The following PCDHGA7 variants were observed in gnomAD, a reference collection of about 807,000 sequenced individuals.
PCDHGA7 encodes protocadherin gamma subfamily A, 7.
In PCDHGA7, 44 loss-of-function variants were observed where a neutral mutation model predicts 58.3. That is an observed-to-expected ratio of 0.75 (90% confidence interval 0.59 to 0.97). The LOEUF is 0.97. Among genes scored for constraint, PCDHGA7 ranks in the 50% least tolerant of loss-of-function variants. The probability of loss-of-function intolerance (pLI) is 0.00; values close to 1 mark genes in which losing one functional copy is unlikely to be tolerated. For missense variants in PCDHGA7, 1,266 were observed against 1,188.7 expected (o/e 1.06, Z -0.96); for synonymous variants, 516 against 504.2 (o/e 1.02, Z -0.31).
Position 141,432,390 on chromosome 5 carries a change from G to A in PCDHGA7, c.2424+47067G>A. The A allele has an allele frequency of 6.2e-7, 1 of 1,614,256 alleles. No homozygotes were observed. The highest frequency in any genetic ancestry group is 8.5e-7 in the Non-Finnish European group (1 of 1,180,046). On this transcript the variant is annotated intron_variant, in intron 1 of 3. Transcript: ENST00000518325. This position sits in a 1 kb window ranked among gnomAD's most constrained non-coding sequence, Gnocchi z 6.0. ...GACAACGGGCACCCGCCCCTCAGCA[G>A]CAACGTGTCGTTGAGCCTGTTCGTG... is the stretch of plus-strand genomic sequence containing the variant.
intron 1 of PCDHGA7, chr5:141,399,841 G>C: frequency 6.2e-7 from 1 of 1,613,086 alleles, no homozygotes; most frequent in Non-Finnish European, 8.5e-7. Context: ...TGCGCTCTTC[G>C]ATATGGTGCC....
chr5:141,489,364 G>A lies in PCDHGA7; in HGVS notation c.2425-5443G>A, dbSNP rs2099686163. On this transcript the variant is annotated intron_variant, in intron 1 of 3. Coordinates refer to ENST00000518325, the MANE Select transcript of PCDHGA7 (RefSeq NM_018920.4). The surrounding 1 kb of genome is among the most constrained non-coding windows in gnomAD (Gnocchi z 4.5). The stretch of plus-strand genomic sequence containing the variant: ...CTCAGTGGTGGAGGAGTCTGAGCCG[G>A]GGACGCTGGTGGGGAATGTTGCTCA... 1 of 1,613,450 alleles carries A rather than the reference G, an allele frequency of 6.2e-7. No homozygotes were observed. The highest frequency in any genetic ancestry group is 1.1e-5 in the South Asian group (1 of 91,042).
intron 1 of PCDHGA7, among the ~76,000 whole-genome samples, chr5:141,455,913 T>C (rs2098837234): frequency 7.2e-6 from 1 of 138,032 alleles, no homozygotes; most frequent in African/African-American, 2.7e-5. Context: ...ATTTATTTAT[T>C]TTGAGACGGA....
Position 141,476,085 on chromosome 5 carries a change from G to C in PCDHGA7, c.2425-18722G>C, listed in dbSNP as rs1163057402. On this transcript the variant is annotated intron_variant, in intron 1 of 3. Coordinates refer to ENST00000518325, the MANE Select transcript of PCDHGA7 (RefSeq NM_018920.4). This position sits in a 1 kb window ranked among gnomAD's most constrained non-coding sequence, Gnocchi z 7.6. ...TCAGCGAAATCTCAGGGACGATCTG[G>C]ACCCCGCTGAGAGGAACTGCTTTTG... 1.3e-6 allele frequency: 2 copies of C among 1,551,682 alleles called. No individual in the cohort carries two copies. Among genetic ancestry groups the C allele is most frequent in the East Asian group, 2.3e-5 (1 of 44,392 alleles).
At position 141,432,203 on chromosome 5, in the gene PCDHGA7, G is replaced by A. The variant is rs1282888078; in HGVS notation, c.2424+46880G>A. The A allele has an allele frequency of 3.1e-6, 5 of 1,614,062 alleles. No homozygotes were observed. The highest frequency in any genetic ancestry group is 1.3e-5 in the African/African-American group (1 of 74,920). ...TGTGACCGCCCACGACCCCGACTGT[G>A]AAGAGAACGCCCAGATCACTTATTC... On this transcript the variant is annotated intron_variant, in intron 1 of 3. Transcript: ENST00000518325. The surrounding 1 kb of genome is among the most constrained non-coding windows in gnomAD (Gnocchi z 6.0).
intron 3 of PCDHGA7, among the ~76,000 whole-genome samples, chr5:141,510,424 C>T (rs2154594619): frequency 6.6e-6 from 1 of 152,236 alleles, no homozygotes; most frequent in South Asian, 2.1e-4. Flanking sequence ...GCCATGGTTT[C>T]ATGGCTGCTG....
intron 1 of PCDHGA7, chr5:141,390,545 A>G (rs62378444): frequency 2.0e-6 from 1 of 505,936 alleles, no homozygotes; most frequent in African/African-American, 1.9e-5. Context: ...CCACAAAGTG[A>G]AAGTGTTAGA....
chr5:141,475,616 G>A (rs2099366026), intron 1 of PCDHGA7, among the ~76,000 whole-genome samples: 1 of 152,206 alleles, frequency 6.6e-6, no homozygotes, highest in Admixed American at 6.5e-5. Flanking sequence ...GTAGTTTTCG[G>A]TTTGGTTCGA....
At chr5:141,473,168 A>G (rs1026233643) in intron 1 of PCDHGA7, among the ~76,000 whole-genome samples, 2 of 152,218 alleles carry the variant, frequency 1.3e-5, no homozygotes, top group Admixed American at 1.3e-4. Context: ...AGGAAGGCCC[A>G]CTGGTAACTT....
chr5:141,506,280 C>CT (rs1455257972), intron 3 of PCDHGA7, among the ~76,000 whole-genome samples: 1 of 152,024 alleles, frequency 6.6e-6, no homozygotes, highest in Non-Finnish European at 1.5e-5. Flanking sequence ...GAAACCCTGT[C>CT]TCTACTAAAA....
intron 1 of PCDHGA7, chr5:141,404,478 CAG>C (rs749664270): frequency 1.9e-6 from 3 of 1,613,412 alleles, no homozygotes; most frequent in Non-Finnish European, 2.5e-6. Context: ...TCTATTAACT[CAG>C]ACACTGGTGT....
chr5:141,437,076 A>T (rs1018228245), intron 1 of PCDHGA7, among the ~76,000 whole-genome samples: 2 of 152,236 alleles, frequency 1.3e-5, no homozygotes, highest in African/African-American at 4.8e-5. Context: ...TTTGGGCCAT[A>T]TAAGAATTGA....
rs922405350 is a variant in PCDHGA7, at chr5:141,512,227, T to C, written c.*1054T>C. 5 of 152,764 alleles carry C rather than the reference T, an allele frequency of 3.3e-5. No homozygotes were observed. The highest frequency in any genetic ancestry group is 1.2e-4 in the African/African-American group (5 of 41,552). 9.5% of individuals were successfully genotyped at this position (152,764 alleles called of 1,614,324 possible). On this transcript the variant is annotated 3_prime_UTR_variant, in exon 4 of 4. Transcript: ENST00000518325. ...AAGCAGGTTTAGGACCAGGTCCCCTTGAGAGGTCAGAGGGGCCTCTGTGGG... is the reference window on the plus strand; with the variant it reads ...AAGCAGGTTTAGGACCAGGTCCCCTCGAGAGGTCAGAGGGGCCTCTGTGGG...
Position 141,415,491 on chromosome 5 carries a change from G to C in PCDHGA7, c.2424+30168G>C, listed in dbSNP as rs1386703838. 3.7e-6 allele frequency: 6 copies of C among 1,614,090 alleles called. No homozygotes were observed. The Admixed American group carries it at 8.3e-5, about 22-fold the overall frequency. ...CCGCGGACTCGCGAAAGAGTCACCTGATCTTCCCCCAGCCCAATTATGCGG... is the reference window on the plus strand; with the variant it reads ...CCGCGGACTCGCGAAAGAGTCACCTCATCTTCCCCCAGCCCAATTATGCGG... On this transcript the variant is annotated intron_variant, in intron 1 of 3. Coordinates refer to ENST00000518325, the MANE Select transcript of PCDHGA7 (RefSeq NM_018920.4).
At chr5:141,449,000 T>G (rs1424736421) in intron 1 of PCDHGA7, among the ~76,000 whole-genome samples, 1 of 151,774 alleles carries the variant, frequency 6.6e-6, no homozygotes, top group African/African-American at 2.4e-5. Context: ...TAGAAAGCTG[T>G]TTTTTTTAAC....
At chr5:141,390,414 G>A in intron 1 of PCDHGA7, 1 of 1,159,988 alleles carries the variant, frequency 8.6e-7, no homozygotes, top group Non-Finnish European at 1.2e-6. Context: ...GTTGTAGTCA[G>A]TTAAAAAGCT....
intron 1 of PCDHGA7, chr5:141,409,926 T>G: frequency 6.2e-7 from 1 of 1,613,344 alleles, no homozygotes; most frequent in Non-Finnish European, 8.5e-7. Flanking sequence ...TCCGCGTTCT[T>G]CGATATGGTA....
Position 141,384,807 on chromosome 5 carries a change from T to C in PCDHGA7, c.1908T>C (p.Asp636=). 1 of 1,613,400 alleles carries C rather than the reference T, an allele frequency of 6.2e-7. No individual in the cohort carries two copies. Among genetic ancestry groups the C allele is most frequent in the Non-Finnish European group, 8.5e-7 (1 of 1,179,908 alleles). The change falls in exon 1 of 4, where the codon GAT becomes GAC. Residue 636 remains aspartate (D), a synonymous_variant. Transcript: ENST00000518325. ...VRTARALLDR[D]ALKQSLVVAV... ...CGGCTCGGGCCCTGCTGGACAGAGA[T>C]GCCCTCAAGCAGAGCCTCGTGGTGG...
intron 1 of PCDHGA7, chr5:141,423,051 CCTG>C (rs771403541): frequency 2.5e-6 from 4 of 1,614,208 alleles, no homozygotes; most frequent in Admixed American, 1.7e-5. Flanking sequence ...TGTCCTATCG[CCTG>C]CTTAAGGCCA....
Sources: allele counts gnomAD v4.1 joint callset (sites outside exome capture counted in the v4.1 genomes callset), GRCh38; gene constraint gnomAD v4.1.1; non-coding constraint Gnocchi (gnomAD v3.1); transcripts MANE v1.5; gene names NCBI Gene and HGNC (gene_info 2026-07-23, HGNC 2026-07-21).